The following CTNND2 variants were observed in gnomAD, a reference collection of about 807,000 sequenced individuals.
CTNND2 encodes catenin delta-2.
CTNND2 carries 22 observed loss-of-function variants against 144.4 expected under a neutral mutation model. The ratio of observed to expected loss-of-function variants is 0.15; its 90% CI spans 0.11 to 0.22. The LOEUF is 0.22. Ranked by LOEUF, CTNND2 falls within the 10% of genes least tolerant of loss-of-function variation. The probability of loss-of-function intolerance (pLI) is 1.00; values close to 1 mark genes in which losing one functional copy is unlikely to be tolerated. For missense variants in CTNND2, 1,353 were observed against 1,618.8 expected (o/e 0.84, Z 2.82); for synonymous variants, 751 against 695.6 (o/e 1.08, Z -1.25).
chr5:11,267,028 G>A (rs985744839), intron 9 of CTNND2, among the ~76,000 whole-genome samples: 6 of 152,098 alleles, frequency 3.9e-5, no homozygotes, highest in Admixed American at 2.6e-4. Context: ...ACAGGCGCCC[G>A]CCACCACGCC....
intron 3 of CTNND2, among the ~76,000 whole-genome samples, chr5:11,510,022 C>T (rs1771486119): frequency 6.6e-6 from 1 of 152,214 alleles, no homozygotes; most frequent in African/African-American, 2.4e-5. Flanking sequence ...ATCTCAACCT[C>T]CTGGGCTCAA....
intron 12 of CTNND2, among the ~76,000 whole-genome samples, chr5:11,130,262 C>CT (rs199661061): frequency 0.012 from 1,821 of 152,148 alleles, 13 homozygotes; most frequent in Non-Finnish European, 0.018. Context: ...ATACCACACC[C>CT]CCCCCATCCA....
At chr5:11,007,669 GC>G (rs1740630383) in intron 18 of CTNND2, among the ~76,000 whole-genome samples, 2 of 152,240 alleles carry the variant, frequency 1.3e-5, no homozygotes, top group African/African-American at 4.8e-5. Context: ...TGGACTTGGG[GC>G]CGTTTTCAAG....
intron 9 of CTNND2, among the ~76,000 whole-genome samples, chr5:11,296,727 G>C (rs1240703935): frequency 6.6e-6 from 1 of 152,042 alleles, no homozygotes; most frequent in Non-Finnish European, 1.5e-5. Flanking sequence ...GCAAACTATC[G>C]CAAGGACAAA....
intron 8 of CTNND2, among the ~76,000 whole-genome samples, chr5:11,351,059 G>A (rs558934913): frequency 4.1e-4 from 63 of 152,262 alleles, no homozygotes; most frequent in Non-Finnish European, 7.4e-4. Context: ...CATTGATGTG[G>A]CTTATGCAAT....
chr5:11,153,367 A>T (rs1375301825), intron 12 of CTNND2, among the ~76,000 whole-genome samples: 2 of 152,170 alleles, frequency 1.3e-5, no homozygotes, highest in Non-Finnish European at 2.9e-5. Context: ...CACTTTAAAA[A>T]CACTTTCTCA....
rs557655017 is a variant in CTNND2 at position 11,226,331 on chromosome 5, C to T, written c.1761+10360G>A. Among the ~76,000 whole-genome samples, 8 of 152,296 alleles carry T rather than the reference C, an allele frequency of 5.3e-5. No homozygotes were observed. The South Asian group carries it at 1.2e-3, about 24-fold the overall frequency. On this transcript the variant is annotated intron_variant, in intron 10 of 21. Coordinates refer to ENST00000304623, the MANE Select transcript of CTNND2 (RefSeq NM_001332.4). ...CAGAATGGCAGCTGCCTCTCTTCAC[C>T]CACTCCTTATTGCTGTCCACCCGCT... is the stretch of plus-strand genomic sequence containing the variant.
rs1364994932 is a variant in CTNND2, at chr5:11,903,692, C to CGCA, written c.37+122_37+124dup. ...TCCTCCCCGAGGCAGGCAGAAACCCCGCAGCAGCCGCCGCCGCCGCCTGCC... is the reference window on the plus strand; with the variant it reads ...TCCTCCCCGAGGCAGGCAGAAACCCCGCAGCAGCAGCCGCCGCCGCCGCCTGCC... On this transcript the variant is annotated intron_variant, in intron 1 of 21. Coordinates refer to ENST00000304623, the MANE Select transcript of CTNND2 (RefSeq NM_001332.4). The surrounding 1 kb of genome is among the most constrained non-coding windows in gnomAD (Gnocchi z 5.4). The CGCA allele has an allele frequency of 1.9e-6, 2 of 1,051,206 alleles. No homozygotes were observed. The highest frequency in any genetic ancestry group is 1.7e-5 in the African/African-American group (1 of 58,628). The allele number at this position is 1,051,206 out of a possible 1,614,324, so 65.1% of individuals were successfully genotyped here. A position where few individuals can be genotyped will look rare whatever the true frequency, so the allele number is the denominator to read the frequency against.
chr5:11,615,975 A>C (rs571537679), intron 2 of CTNND2, among the ~76,000 whole-genome samples: 1 of 152,356 alleles, frequency 6.6e-6, no homozygotes, highest in East Asian at 1.9e-4. Flanking sequence ...ATGATGGCCA[A>C]GTGGTTACTA....
rs921491386 is a variant in CTNND2 at position 11,643,481 on chromosome 5, C to T, written c.175-78425G>A. On this transcript the variant is annotated intron_variant, in intron 2 of 21. Coordinates refer to ENST00000304623, the MANE Select transcript of CTNND2 (RefSeq NM_001332.4). Reference sequence around the variant, plus strand: ...ATTCCCACCTATGAGTGAGAACATGCGGTGTTTGGTTTTTTGTCCTTGCGA... The same window carrying T: ...ATTCCCACCTATGAGTGAGAACATGTGGTGTTTGGTTTTTTGTCCTTGCGA... Among the ~76,000 whole-genome samples the T allele has an allele frequency of 5.4e-5, 8 of 147,824 alleles. No homozygotes were observed. The South Asian group carries it at 6.5e-4, about 12-fold the overall frequency.
At chr5:11,455,155 C>T (rs1237063789) in intron 3 of CTNND2, among the ~76,000 whole-genome samples, 1 of 151,344 alleles carries the variant, frequency 6.6e-6, no homozygotes, top group Non-Finnish European at 1.5e-5. Flanking sequence ...TCCTTTAAAC[C>T]ATTCAAAGAC....
At chr5:11,854,446 C>A (rs892998937) in intron 1 of CTNND2, among the ~76,000 whole-genome samples, 1 of 152,164 alleles carries the variant, frequency 6.6e-6, no homozygotes, top group Non-Finnish European at 1.5e-5. Flanking sequence ...TTACCTAACA[C>A]AGTAAATGTG....
chr5:11,793,077 C>T (rs945664051), intron 1 of CTNND2, among the ~76,000 whole-genome samples: 19 of 152,176 alleles, frequency 1.2e-4, no homozygotes, highest in African/African-American at 4.3e-4. Flanking sequence ...ACAATGGACA[C>T]TAAGGTAACT....
chr5:11,294,548 A>C (rs1159380438), intron 9 of CTNND2, among the ~76,000 whole-genome samples: 2 of 152,222 alleles, frequency 1.3e-5, no homozygotes, highest in Non-Finnish European at 2.9e-5. Flanking sequence ...AATGTTGGAA[A>C]ACTTACATCC....
intron 7 of CTNND2, among the ~76,000 whole-genome samples, chr5:11,382,579 C>A (rs1451368502): frequency 6.9e-6 from 1 of 145,382 alleles, no homozygotes; most frequent in Non-Finnish European, 1.5e-5. Flanking sequence ...GCCTGGGCAA[C>A]CGACAGAGTG....
intron 9 of CTNND2, among the ~76,000 whole-genome samples, chr5:11,274,957 C>A (rs1561134312): frequency 6.6e-6 from 1 of 152,100 alleles, no homozygotes; most frequent in Non-Finnish European, 1.5e-5. Context: ...TGGGACTTAA[C>A]TGGTACTTGG....
At chr5:11,565,945 T>A (rs1777059953) in intron 2 of CTNND2, among the ~76,000 whole-genome samples, 1 of 152,238 alleles carries the variant, frequency 6.6e-6, no homozygotes, top group Non-Finnish European at 1.5e-5. Flanking sequence ...AAATAAATTA[T>A]CTAAACAGTT....
At chr5:11,616,882 C>T (rs1376774610) in intron 2 of CTNND2, among the ~76,000 whole-genome samples, 2 of 152,200 alleles carry the variant, frequency 1.3e-5, no homozygotes, top group African/African-American at 4.8e-5. Context: ...GTTGGGATTA[C>T]AGCCGTGAGC....
chr5:11,810,114 C>T (rs6554646), intron 1 of CTNND2, among the ~76,000 whole-genome samples: 146,652 of 152,268 alleles, frequency 0.96, 70,866 homozygotes, highest in East Asian at 1. Context: ...TTGAATGTGA[C>T]ATTCTTTAAC....
Sources: gnomAD v4.1 joint callset for allele counts (sites outside exome capture counted in the v4.1 genomes callset) on GRCh38, gnomAD v4.1.1 for gene constraint, Gnocchi (gnomAD v3.1) non-coding constraint, MANE v1.5 for transcripts, NCBI Gene and HGNC (gene_info 2026-07-23, HGNC 2026-07-21) for gene names.